CYFIP2: variants seen among roughly 807,000 people sequenced by gnomAD.
CYFIP2 encodes the protein cytoplasmic FMR1 interacting protein 2.
A neutral mutation model predicts 158.7 loss-of-function variants in CYFIP2; 29 were observed. The observed-to-expected ratio is 0.18, with a 90% CI of 0.14 to 0.25. The LOEUF is 0.25. CYFIP2 is among the 10% of genes least tolerant of loss of function. The pLI, the probability that CYFIP2 is intolerant of heterozygous loss-of-function variation, is 1.00. For synonymous variants in CYFIP2, 585 were observed against 617.6 expected, an observed-to-expected ratio of 0.95 and a Z score of 0.78; for missense variants, 852 against 1,639.5, an observed-to-expected ratio of 0.52 and a Z score of 8.29.
chr5:157,303,850 G>A (rs116596115), intron 7 of CYFIP2, among the ~76,000 whole-genome samples: 1 of 151,640 alleles, frequency 6.6e-6, no homozygotes, highest in Non-Finnish European at 1.5e-5. Context: ...TCCTCCCCTG[G>A]GTGGGGTTTT....
chr5:157,355,302 C>G (rs1763340530), intron 23 of CYFIP2, among the ~76,000 whole-genome samples: 1 of 152,178 alleles, frequency 6.6e-6, no homozygotes, highest in Non-Finnish European at 1.5e-5. Context: ...GTCGCCAAAG[C>G]TGCTGGGGGA....
chr5:157,319,795 A>G lies in CYFIP2; in HGVS notation c.1390A>G (p.Met464Val), dbSNP rs1447791798. 6.2e-7 allele frequency: 1 copy of G among 1,614,102 alleles called. No individual in the cohort carries two copies. The highest frequency in any genetic ancestry group is 2.2e-5 in the East Asian group (1 of 44,880). Residue 464 changes from methionine to valine, a missense_variant, in exon 14 of 31, where the codon ATG (methionine) becomes GTG (valine). Coordinates refer to ENST00000620254, the MANE Select transcript of CYFIP2 (RefSeq NM_001037333.3). ...CATGATCAAAGGCCTGCAGGTGCTC[A>G]TGGGCAGGATGGAGAGCGTCTTCAA... is the stretch of plus-strand genomic sequence containing the variant. Reference protein sequence around the residue: ...IAMIKGLQVLMGRMESVFNQA... With the variant: ...IAMIKGLQVLVGRMESVFNQA...
chr5:157,332,328 C>T (rs1761524784), intron 20 of CYFIP2, among the ~76,000 whole-genome samples: 1 of 152,168 alleles, frequency 6.6e-6, no homozygotes, highest in South Asian at 2.1e-4. Context: ...CATTCTTTCT[C>T]TCATGTATGT....
chr5:157,326,078 T>C, intron 17 of CYFIP2, 93 bp from the exon 18 acceptor site: 1 of 971,006 alleles, frequency 1.0e-6, no homozygotes. Flanking sequence ...TTTTCCTGAC[T>C]GTGAACTTGT....
At chr5:157,326,029 G>A (rs1205527215) in intron 17 of CYFIP2, 142 bp from the exon 18 acceptor site, 1 of 678,708 alleles carries the variant, frequency 1.5e-6, no homozygotes, top group Non-Finnish European at 2.6e-6. Context: ...TCTAAGCGGT[G>A]GAGGCTCAAG....
At position 157,266,511 on chromosome 5, in the gene CYFIP2, GCGGTGCTAATCTCAGGGA is replaced by G. The variant is rs1755613485; in HGVS notation, c.-24+318_-24+335del. ...GCCGGAGCCGCCAGCCCGGGAGGAG[GCGGTGCTAATCTCAGGGA>G]CCGGAGACACCTGCAGCGGCCGCGA... On this transcript the variant is annotated intron_variant, in intron 1 of 30. Coordinates refer to ENST00000620254, the MANE Select transcript of CYFIP2 (RefSeq NM_001037333.3). This position sits in a 1 kb window ranked among gnomAD's most constrained non-coding sequence, Gnocchi z 4.2. The G allele has an allele frequency of 6.6e-6, 1 of 152,238 alleles. No individual in the cohort carries two copies. Among genetic ancestry groups the G allele is most frequent in the Non-Finnish European group, 1.5e-5 (1 of 68,072 alleles). 9.4% of individuals were successfully genotyped at this position (152,238 alleles called of 1,614,324 possible).
intron 28 of CYFIP2, chr5:157,385,022 G>A (rs1306769683): frequency 6.5e-6 from 1 of 153,514 alleles, no homozygotes; most frequent in Non-Finnish European, 1.4e-5. Flanking sequence ...ATACTGTAGA[G>A]CACACACATT....
intron 28 of CYFIP2, 59 bp downstream of exon 28, chr5:157,383,418 A>C: frequency 2.0e-6 from 3 of 1,480,338 alleles, no homozygotes; most frequent in Non-Finnish European, 1.9e-6. Context: ...AGAGCATTTG[A>C]CCAAACCCCC....
Position 157,395,240 on chromosome 5 carries a change from A to C in CYFIP2, c.*2240A>C. On this transcript the variant is annotated 3_prime_UTR_variant, in exon 31 of 31. Coordinates refer to ENST00000620254, the MANE Select transcript of CYFIP2 (RefSeq NM_001037333.3). ...GATTTCCGAACACCCAATGAGTTTA[A>C]TATTCTTTCCTCCTTGGCATTACTG... The C allele has an allele frequency of 3.8e-6, 1 of 265,944 alleles. No individual in the cohort carries two copies. Among genetic ancestry groups the C allele is most frequent in the Non-Finnish European group, 7.2e-6 (1 of 139,178 alleles). The allele number at this position is 265,944 out of a possible 1,614,324, so 16.5% of individuals were successfully genotyped here.
chr5:157,328,168 C>T lies in CYFIP2; in HGVS notation c.2156+119C>T, dbSNP rs554000816. ...ACCTTAGGAAAACAGAGCCATTCCA[C>T]GGACCCGGACTGGGTGCTGAGATAG... On this transcript the variant is annotated intron_variant, in intron 19 of 30. Transcript: ENST00000620254. 7.0e-4 allele frequency: 649 copies of T among 931,720 alleles called. 1 individual carries two copies. Among genetic ancestry groups the T allele is most frequent in the South Asian group, 1.4e-3 (85 of 61,570 alleles). 57.7% of individuals were successfully genotyped at this position (931,720 alleles called of 1,614,324 possible).
intron 15 of CYFIP2, among the ~76,000 whole-genome samples, chr5:157,323,206 G>A (rs1245813184): frequency 1.3e-5 from 2 of 152,198 alleles, no homozygotes; most frequent in Non-Finnish European, 2.9e-5. Flanking sequence ...CCCTGTAAGC[G>A]GGAGTTAATT....
chr5:157,267,039 T>C (rs79828963), intron 1 of CYFIP2: 20,400 of 152,654 alleles, frequency 0.13, 1,443 homozygotes, highest in Admixed American at 0.18. Context: ...GCAGGTAGCA[T>C]GTTCCACATA....
intron 30 of CYFIP2, among the ~76,000 whole-genome samples, chr5:157,392,394 T>A (rs1767394233): frequency 6.6e-6 from 1 of 152,228 alleles, no homozygotes; most frequent in Non-Finnish European, 1.5e-5. Context: ...CTGAGTTAAT[T>A]TTTTGTATAT....
At chr5:157,280,430 G>A (rs1037852741) in intron 1 of CYFIP2, among the ~76,000 whole-genome samples, 3 of 149,550 alleles carry the variant, frequency 2.0e-5, no homozygotes, top group African/African-American at 5.0e-5. Context: ...GACCAGGCTG[G>A]TCAGGCTGGT....
intron 29 of CYFIP2, among the ~76,000 whole-genome samples, 153 bp from the exon 30 acceptor site, chr5:157,390,368 C>A (rs7724666): frequency 6.6e-6 from 1 of 152,000 alleles, no homozygotes; most frequent in Non-Finnish European, 1.5e-5. Flanking sequence ...CCCACCCTCA[C>A]AGCTTCCTTT....
At chr5:157,269,485 C>G (rs767007) in intron 1 of CYFIP2, 70,032 of 151,910 alleles carry the variant, frequency 0.46, 16,379 homozygotes, top group East Asian at 0.55. Flanking sequence ...GCTGTGTGCC[C>G]TTAAACCAGC....
At chr5:157,328,311 T>C (rs1761184591) in intron 19 of CYFIP2, among the ~76,000 whole-genome samples, 1 of 152,200 alleles carries the variant, frequency 6.6e-6, no homozygotes, top group Admixed American at 6.5e-5. Flanking sequence ...TTACATGCTG[T>C]CTGTGAGGGA....
intron 26 of CYFIP2, among the ~76,000 whole-genome samples, chr5:157,377,110 G>A (rs1436485647): frequency 6.6e-6 from 1 of 151,296 alleles, no homozygotes; most frequent in Admixed American, 6.6e-5. Flanking sequence ...GCTTTCTCCT[G>A]CTTGGACTCT....
intron 21 of CYFIP2, among the ~76,000 whole-genome samples, chr5:157,335,984 A>G (rs1761825536): frequency 6.6e-6 from 1 of 152,198 alleles, no homozygotes; most frequent in South Asian, 2.1e-4. Flanking sequence ...GCCCTTGCTT[A>G]TCAGGCGAGG....
Sources: gnomAD v4.1 joint callset for allele counts (sites outside exome capture counted in the v4.1 genomes callset) on GRCh38, gnomAD v4.1.1 for gene constraint, Gnocchi (gnomAD v3.1) non-coding constraint, MANE v1.5 for transcripts, NCBI Gene and HGNC (gene_info 2026-07-23, HGNC 2026-07-21) for gene names.